Variants in NLGN1 observed in about 807,000 individuals in gnomAD.
NLGN1 encodes neuroligin-1.
Under a neutral mutation model 65.5 loss-of-function variants are expected in NLGN1, and 12 were observed. The ratio of observed to expected loss-of-function variants is 0.18; its 90% confidence interval spans 0.12 to 0.30. The LOEUF (loss-of-function observed/expected upper bound fraction) is 0.30, where lower values mean the gene tolerates loss of function less well. NLGN1 is among the 10% of genes least tolerant of loss of function. The pLI, the probability that NLGN1 is intolerant of heterozygous loss-of-function variation, is 1.00. For synonymous variants in NLGN1, 350 were observed against 359.5 expected, an observed-to-expected ratio of 0.97 and a Z score of 0.30; for missense variants, 750 against 1,007.1, an observed-to-expected ratio of 0.74 and a Z score of 3.46.
At chr3:174,095,730 T>C (rs1745397657) in intron 4 of NLGN1, among the ~76,000 whole-genome samples, 1 of 152,076 alleles carries the variant, frequency 6.6e-6, no homozygotes, top group Admixed American at 6.6e-5. Context: ...CTGGGCACAG[T>C]GACTCACACC....
intron 4 of NLGN1, among the ~76,000 whole-genome samples, chr3:174,015,682 C>T (rs1338893904): frequency 6.6e-6 from 1 of 152,122 alleles, no homozygotes; most frequent in Non-Finnish European, 1.5e-5. Context: ...GCCAAATTCC[C>T]CCATTTTTTA....
intron 4 of NLGN1, among the ~76,000 whole-genome samples, chr3:173,816,005 TA>T (rs1718969260): frequency 2.1e-5 from 3 of 141,778 alleles, no homozygotes; most frequent in Non-Finnish European, 4.5e-5. Context: ...TTAATTATAA[TA>T]GTTAATTAAA....
At chr3:173,667,268 C>CAT (rs1553794602) in intron 3 of NLGN1, among the ~76,000 whole-genome samples, 1 of 151,742 alleles carries the variant, frequency 6.6e-6, no homozygotes, top group Non-Finnish European at 1.5e-5. Flanking sequence ...CACACACACA[C>CAT]GTACAGCACT....
intron 3 of NLGN1, among the ~76,000 whole-genome samples, chr3:173,699,143 AC>A (rs1185643489): frequency 2.6e-5 from 4 of 152,180 alleles, no homozygotes; most frequent in South Asian, 2.1e-4. Context: ...AGCGTGAGCC[AC>A]CGCACCTGGC....
At chr3:174,000,893 G>T (rs1363849631) in intron 4 of NLGN1, among the ~76,000 whole-genome samples, 1 of 152,146 alleles carries the variant, frequency 6.6e-6, no homozygotes, top group African/African-American at 2.4e-5. Flanking sequence ...GTGGGCAGAT[G>T]GGTGGACACT....
intron 4 of NLGN1, among the ~76,000 whole-genome samples, chr3:174,258,961 A>C (rs1746321102): frequency 6.6e-6 from 1 of 152,118 alleles, no homozygotes; most frequent in Non-Finnish European, 1.5e-5. Context: ...ACCATTTTTT[A>C]AATGTTTCTG....
intron 3 of NLGN1, among the ~76,000 whole-genome samples, chr3:173,766,380 C>T (rs1250968591): frequency 6.6e-6 from 1 of 152,050 alleles, no homozygotes; most frequent in Non-Finnish European, 1.5e-5. Flanking sequence ...TGAGCCACTG[C>T]ACCCAGCCTC....
chr3:173,432,356 A>T (rs1203006076), intron 1 of NLGN1, among the ~76,000 whole-genome samples: 2 of 152,206 alleles, frequency 1.3e-5, no homozygotes. Flanking sequence ...AGTGAATGAG[A>T]GTTCCTTTTG....
intron 3 of NLGN1, among the ~76,000 whole-genome samples, chr3:173,608,646 C>T (rs917387635): frequency 5.3e-5 from 8 of 151,728 alleles, no homozygotes; most frequent in African/African-American, 1.9e-4. Context: ...CAAGTTTGGC[C>T]TTAATTCTTT....
At chr3:174,017,974 TGC>T in intron 4 of NLGN1, among the ~76,000 whole-genome samples, 1 of 152,034 alleles carries the variant, frequency 6.6e-6, no homozygotes, top group Middle Eastern at 3.4e-3. Flanking sequence ...GGCCTGGGAG[TGC>T]TACGGGAGAC....
chr3:174,280,804 C>A lies in NLGN1; in HGVS notation c.1973C>A (p.Pro658His), dbSNP rs751461992. The A allele has an allele frequency of 6.2e-7, 1 of 1,613,374 alleles. No individual in the cohort carries two copies. The highest frequency in any genetic ancestry group is 1.7e-4 in the Middle Eastern group (1 of 6,052). Reference sequence around the variant, plus strand: ...TTTCCCACTGCCAAGCAGGATGATCCCAAACAACAACCAAGTCCATTTTCA... The same window carrying A: ...TTTCCCACTGCCAAGCAGGATGATCACAAACAACAACCAAGTCCATTTTCA... Residue 658 changes from proline to histidine, a missense_variant, in exon 7 of 7, where the codon CCC (proline) becomes CAC (histidine). Pro to His is a moderately conservative substitution (Grantham distance 77, BLOSUM62 -2). Transcript: ENST00000457714. This position sits in a 1 kb window ranked among gnomAD's most constrained non-coding sequence, Gnocchi z 4.9.
chr3:173,797,402 C>G (rs1714338845), intron 3 of NLGN1, among the ~76,000 whole-genome samples: 1 of 151,930 alleles, frequency 6.6e-6, no homozygotes, highest in African/African-American at 2.4e-5. Flanking sequence ...GTAATTCGTA[C>G]TATGGGAAAA....
Position 174,279,297 on chromosome 3 carries a change from G to C in NLGN1, c.1296G>C (p.Leu432Phe), listed in dbSNP as rs1403152996. Reference sequence around the variant, plus strand: ...GATATCCTGAAGGCAAAGATGTTTTGAGAGAAACCATTAAGTTCATGTATA... The same window carrying C: ...GATATCCTGAAGGCAAAGATGTTTTCAGAGAAACCATTAAGTTCATGTATA... The change falls in exon 6 of 7, where the codon TTG becomes TTC. Residue 432 changes from leucine (L) to phenylalanine (F), a missense_variant. Coordinates refer to ENST00000457714, the Ensembl canonical transcript of NLGN1. The surrounding 1 kb of genome is among the most constrained non-coding windows in gnomAD (Gnocchi z 4.7). The C allele has an allele frequency of 2.5e-6, 4 of 1,613,220 alleles. No individual in the cohort carries two copies. The highest frequency in any genetic ancestry group is 3.4e-6 in the Non-Finnish European group (4 of 1,179,556).
intron 2 of NLGN1, among the ~76,000 whole-genome samples, chr3:173,514,031 T>G (rs996665270): frequency 1.4e-4 from 21 of 152,154 alleles, no homozygotes. Context: ...AACATTGCTG[T>G]GTATAATGAT....
intron 4 of NLGN1, among the ~76,000 whole-genome samples, chr3:174,101,112 A>G (rs561221391): frequency 1.3e-5 from 2 of 152,166 alleles, no homozygotes; most frequent in South Asian, 4.1e-4. Context: ...TTACTTATAA[A>G]ATTGGGACAG....
intron 2 of NLGN1, among the ~76,000 whole-genome samples, chr3:173,544,353 A>C (rs965700334): frequency 1.8e-4 from 28 of 151,736 alleles, no homozygotes; most frequent in Admixed American, 6.6e-5. Flanking sequence ...AGCAGAAAGA[A>C]GACTATGCAT....
At chr3:173,535,043 G>T (rs1737204400) in intron 2 of NLGN1, among the ~76,000 whole-genome samples, 2 of 152,208 alleles carry the variant, frequency 1.3e-5, no homozygotes, top group African/African-American at 2.4e-5. Context: ...CACAGGGCAT[G>T]CTGAGAGTGC....
At chr3:174,128,844 C>A (rs890631612) in intron 4 of NLGN1, among the ~76,000 whole-genome samples, 1 of 152,120 alleles carries the variant, frequency 6.6e-6, no homozygotes, top group Non-Finnish European at 1.5e-5. Context: ...ATCAATCACC[C>A]TCCTCACTGC....
chr3:173,416,890 T>C (rs926303749), intron 1 of NLGN1, among the ~76,000 whole-genome samples: 1 of 152,156 alleles, frequency 6.6e-6, no homozygotes, highest in Non-Finnish European at 1.5e-5. Context: ...TGAGATCTTC[T>C]ACAAATAATG....
Sources: allele counts gnomAD v4.1 joint callset (sites outside exome capture counted in the v4.1 genomes callset), GRCh38; gene constraint gnomAD v4.1.1; non-coding constraint Gnocchi (gnomAD v3.1); transcripts MANE v1.5; gene names NCBI Gene and HGNC (gene_info 2026-07-23, HGNC 2026-07-21).